The following MCMBP variants were observed in gnomAD, a reference collection of about 807,000 sequenced individuals.
MCMBP encodes the protein minichromosome maintenance complex binding protein, also known as mini-chromosome maintenance complex-binding protein.
MCMBP carries 31 observed loss-of-function variants against 81.3 expected under a neutral mutation model. The ratio of observed to expected loss-of-function variants is 0.38; its 90% confidence interval spans 0.29 to 0.51. The LOEUF (loss-of-function observed/expected upper bound fraction) is 0.51. Among genes scored for constraint, MCMBP ranks in the 20% least tolerant of loss-of-function variants. The pLI is 0.87. For synonymous variants in MCMBP, 267 were observed against 275.9 expected, an observed-to-expected ratio of 0.97 and a Z score of 0.32; for missense variants, 645 against 772.1, an observed-to-expected ratio of 0.84 and a Z score of 1.95.
Position 119,854,797 on chromosome 10 carries a change from A to G in MCMBP, c.430-1603T>C, listed in dbSNP as rs1019498915. ...CATGGTGAAACCCCGTCTCGACTAA[A>G]AACACAAAAAAACTGGCGTGGTGGC... On this transcript the variant is annotated intron_variant, in intron 5 of 15. Transcript: ENST00000369077. 3.3e-5 allele frequency among the ~76,000 whole-genome samples: 5 copies of G among 151,760 alleles called. No homozygotes were observed. In the East Asian group the frequency reaches 5.8e-4, roughly 18 times the overall value.
At chr10:119,841,023 C>A in intron 10 of MCMBP, 63 bp from the exon 11 acceptor site, 3 of 940,448 alleles carry the variant, frequency 3.2e-6, no homozygotes, top group South Asian at 1.5e-5. Context: ...TATCAAATAG[C>A]GAAGAATAGA....
intron 2 of MCMBP, 37 bp from the exon 3 acceptor site, chr10:119,859,218 C>T (rs1235732044): frequency 3.1e-6 from 5 of 1,597,916 alleles, no homozygotes; most frequent in Non-Finnish European, 4.3e-6. Context: ...AACTAAATAT[C>T]CTGTCTATAC....
chr10:119,851,460 GTC>G (rs1291642425), intron 6 of MCMBP, among the ~76,000 whole-genome samples: 1 of 152,070 alleles, frequency 6.6e-6, no homozygotes, highest in Admixed American at 6.6e-5. Context: ...TTGAGATGGA[GTC>G]TCTCTGTCAC....
At chr10:119,865,905 A>C (rs959934904) in intron 1 of MCMBP, among the ~76,000 whole-genome samples, 2 of 151,608 alleles carry the variant, frequency 1.3e-5, no homozygotes, top group African/African-American at 4.9e-5. Context: ...GTGAGACCCC[A>C]AATCTACAAA....
intron 8 of MCMBP, among the ~76,000 whole-genome samples, 184 bp from the exon 9 acceptor site, chr10:119,843,610 T>C (rs569173766): frequency 2.1e-4 from 32 of 152,316 alleles, no homozygotes; most frequent in African/African-American, 7.5e-4. Context: ...TCAGGCTTGT[T>C]AAGACATATC....
Position 119,831,572 on chromosome 10 carries a change from T to C in MCMBP, c.1825A>G (p.Thr609Ala). Reference protein sequence around the residue: ...RCLSLSAGQTTLSRERWLRAK... With the variant: ...RCLSLSAGQTALSRERWLRAK... Reference sequence around the variant, plus strand: ...CTCAGCCATCGTTCTCTTGACAGCGTTGTCTGACCAGCACTGAGAGACAGA... The same window carrying C: ...CTCAGCCATCGTTCTCTTGACAGCGCTGTCTGACCAGCACTGAGAGACAGA... The change falls in exon 16 of 16, where the codon ACG becomes GCG. Residue 609 changes from threonine to alanine, a missense_variant. Physicochemically the swap from Thr to Ala is moderately conservative, Grantham distance 58. Coordinates refer to ENST00000369077, the MANE Select transcript of MCMBP (RefSeq NM_001256378.2). 6.2e-7 allele frequency: 1 copy of C among 1,614,090 alleles called. No homozygotes were observed. Among genetic ancestry groups the C allele is most frequent in the Non-Finnish European group, 8.5e-7 (1 of 1,179,946 alleles).
Position 119,831,557 on chromosome 10 carries a change from G to A in MCMBP, c.1840C>T (p.Arg614Ter). ...TCTAGCTGCTTTGCTCTCAGCCATC[G>A]TTCTCTTGACAGCGTTGTCTGACCA... The part of the protein sequence containing the change: ...SAGQTTLSRE[R>*]WLRAKQLESL... The change falls in exon 16 of 16, where the codon CGA (arginine) becomes TGA (stop). Residue 614 changes from arginine to a stop codon, truncating the protein, a stop_gained. Transcript: ENST00000369077. LOFTEE classifies it high-confidence loss of function. 4 of 1,613,990 alleles carry A rather than the reference G, an allele frequency of 2.5e-6. No homozygotes were observed. Among genetic ancestry groups the A allele is most frequent in the Non-Finnish European group, 3.4e-6 (4 of 1,179,928 alleles).
At chr10:119,863,507 G>A (rs910041891) in intron 1 of MCMBP, among the ~76,000 whole-genome samples, 10 of 151,926 alleles carry the variant, frequency 6.6e-5, no homozygotes, top group South Asian at 2.1e-4. Context: ...CGAGGCGGGC[G>A]GATCACCTGT....
chr10:119,831,588 G>A lies in MCMBP; in HGVS notation c.1809C>T (p.Leu603=). The change falls in exon 16 of 16, where the codon CTC becomes CTT. Residue 603 remains leucine (L), a synonymous_variant. Coordinates refer to ENST00000369077, the MANE Select transcript of MCMBP (RefSeq NM_001256378.2). ...TTGACAGCGTTGTCTGACCAGCACT[G>A]AGAGACAGACACCTGGTTTGAAACA... ...QLLVVARCLS[L]SAGQTTLSRE... is the part of the protein sequence containing the mutation. The A allele has an allele frequency of 6.2e-7, 1 of 1,613,636 alleles. No homozygotes were observed. The highest frequency in any genetic ancestry group is 2.2e-5 in the East Asian group (1 of 44,880).
At chr10:119,847,790 C>A in intron 7 of MCMBP, 77 bp from the exon 8 acceptor site, 1 of 758,890 alleles carries the variant, frequency 1.3e-6, no homozygotes, top group Non-Finnish European at 2.1e-6. Flanking sequence ...GTACCAATAT[C>A]TTGGAATTTT....
intron 1 of MCMBP, among the ~76,000 whole-genome samples, chr10:119,867,245 A>G (rs545996016): frequency 6.7e-6 from 1 of 148,496 alleles, no homozygotes; most frequent in Non-Finnish European, 1.5e-5. Flanking sequence ...GTGAGCCGAA[A>G]TCGCACCACT....
At position 119,831,359 on chromosome 10, in the gene MCMBP, A is replaced by G. The variant is rs1852028314; in HGVS notation, c.*115T>C. The G allele has an allele frequency of 3.1e-6, 4 of 1,289,138 alleles. No homozygotes were observed. The highest frequency in any genetic ancestry group is 4.3e-6 in the Non-Finnish European group (4 of 929,374). 79.9% of individuals were successfully genotyped at this position (1,289,138 alleles called of 1,614,324 possible). On this transcript the variant is annotated 3_prime_UTR_variant, in exon 16 of 16. Coordinates refer to ENST00000369077, the MANE Select transcript of MCMBP (RefSeq NM_001256378.2). ...GTGTTACCAGGCTTGATTTCAGGAA[A>G]TGTCACTGGTTTGTGATAGAAATTA...
intron 4 of MCMBP, among the ~76,000 whole-genome samples, chr10:119,858,565 T>C (rs1467881749): frequency 4.6e-5 from 7 of 152,154 alleles, no homozygotes; most frequent in Admixed American, 1.3e-4. Flanking sequence ...AACAGTGAGA[T>C]TACCATTGGC....
At chr10:119,851,023 C>T (rs1335718627) in intron 6 of MCMBP, among the ~76,000 whole-genome samples, 2 of 151,576 alleles carry the variant, frequency 1.3e-5, no homozygotes, top group African/African-American at 4.8e-5. Context: ...CAGGCGTGCA[C>T]CACCATGCCC....
Position 119,872,642 on chromosome 10 carries a change from G to C in MCMBP, c.-58C>G. On this transcript the variant is annotated 5_prime_UTR_variant, in exon 1 of 16. Transcript: ENST00000369077. ...CGGAGGCGATCCGCGGGCCGAGCGC[G>C]GCCGGGCGGCCGGCGCCCAGCTCCT... The C allele has an allele frequency of 6.2e-6, 6 of 975,228 alleles. No homozygotes were observed. The highest frequency in any genetic ancestry group is 6.4e-6 in the Non-Finnish European group (5 of 779,276). The allele number at this position is 975,228 out of a possible 1,614,324, so 60.4% of individuals were successfully genotyped here. A position where few individuals can be genotyped will look rare whatever the true frequency, so the allele number is the denominator to read the frequency against.
Position 119,849,489 on chromosome 10 carries a change from A to G in MCMBP, c.662T>C (p.Leu221Ser). Residue 221 changes from leucine (L) to serine (S), a missense_variant, in exon 7 of 16, where the codon TTG becomes TCG. Physicochemically the swap from Leu to Ser is moderately radical, Grantham distance 145. Transcript: ENST00000369077. ...STGQQLNSLN[L>S]SSPFDLNFPL... ...AAAATTCAAATCAAAAGGAGAAGAC[A>G]AGTTCAGAGAGTTCAGCTGTTGCCC... is the stretch of plus-strand genomic sequence containing the variant. 1 of 1,611,812 alleles carries G rather than the reference A, an allele frequency of 6.2e-7. No individual in the cohort carries two copies. Among genetic ancestry groups the G allele is most frequent in the South Asian group, 1.1e-5 (1 of 90,636 alleles).
chr10:119,850,054 A>C (rs1419803337), intron 6 of MCMBP, among the ~76,000 whole-genome samples: 1 of 152,242 alleles, frequency 6.6e-6, no homozygotes, highest in Non-Finnish European at 1.5e-5. Context: ...TTGGGGATAT[A>C]CAGGTCATTA....
chr10:119,871,378 A>G (rs527465228), intron 1 of MCMBP, among the ~76,000 whole-genome samples: 4 of 152,118 alleles, frequency 2.6e-5, no homozygotes, highest in African/African-American at 7.2e-5. Context: ...GTAGTTTTAA[A>G]TTTCTTCATC....
intron 5 of MCMBP, among the ~76,000 whole-genome samples, chr10:119,855,094 G>GT (rs1471793723): frequency 1.3e-5 from 2 of 152,020 alleles, no homozygotes; most frequent in African/African-American, 4.8e-5. Flanking sequence ...AACAAAAATA[G>GT]TATGTTGTGA....
Sources: allele counts gnomAD v4.1 joint callset (sites outside exome capture counted in the v4.1 genomes callset), GRCh38; gene constraint gnomAD v4.1.1; transcripts MANE v1.5; gene names NCBI Gene and HGNC (gene_info 2026-07-23, HGNC 2026-07-21).